NECTIN3: variants seen among roughly 807,000 people sequenced by gnomAD.
The protein encoded by NECTIN3 is nectin-3.
Under a neutral mutation model 49.4 loss-of-function variants are expected in NECTIN3, and 8 were observed. The ratio of observed to expected loss-of-function variants is 0.16; its 90% confidence interval spans 0.10 to 0.29. NECTIN3 has a LOEUF of 0.29. Ranked by LOEUF, NECTIN3 falls within the 10% of genes least tolerant of loss-of-function variation. NECTIN3 has a pLI of 1.00. For missense variants in NECTIN3, 581 were observed against 654.6 expected, an observed-to-expected ratio of 0.89 and a Z score of 1.23; for synonymous variants, 277 against 241.1, an observed-to-expected ratio of 1.15 and a Z score of -1.38.
At chr3:111,193,351 A>G (rs1171230194) in intron 1 of NECTIN3, 6 of 1,535,422 alleles carry the variant, frequency 3.9e-6, no homozygotes, top group East Asian at 4.9e-5. Context: ...AAGAGAGTCT[A>G]CATCGACCCA....
intron 1 of NECTIN3, among the ~76,000 whole-genome samples, chr3:111,088,039 A>G (rs1344428617): frequency 2.0e-5 from 3 of 151,956 alleles, no homozygotes; most frequent in Non-Finnish European, 4.4e-5. Flanking sequence ...ATATAGTTGG[A>G]TGTTTGATTC....
At chr3:111,094,000 G>C (rs116425693) in intron 1 of NECTIN3, among the ~76,000 whole-genome samples, 1,576 of 152,128 alleles carry the variant, frequency 0.01, 33 homozygotes, top group African/African-American at 0.034. Flanking sequence ...AATTGTGACA[G>C]TTACTTTATT....
intron 7 of NECTIN3, among the ~76,000 whole-genome samples, chr3:111,176,774 C>G (rs528121875): frequency 6.6e-6 from 1 of 151,868 alleles, no homozygotes; most frequent in African/African-American, 2.4e-5. Flanking sequence ...ACTTAGAAGG[C>G]TTCTAGAAAG....
At chr3:111,123,098 T>G (rs2034021723) in intron 4 of NECTIN3, among the ~76,000 whole-genome samples, 1 of 152,086 alleles carries the variant, frequency 6.6e-6, no homozygotes, top group South Asian at 2.1e-4. Context: ...TAAGAGCGTC[T>G]TCTCATAAGA....
upstream of NECTIN3, among the ~76,000 whole-genome samples, chr3:111,190,238 C>A (rs1031183277): frequency 6.6e-6 from 1 of 152,170 alleles, no homozygotes; most frequent in African/African-American, 2.4e-5. Flanking sequence ...ATCACCTGAT[C>A]ATGTGGGAAG....
chr3:111,144,309 A>G (rs908786913), intron 5 of NECTIN3, among the ~76,000 whole-genome samples: 6 of 152,022 alleles, frequency 3.9e-5, no homozygotes, highest in African/African-American at 1.2e-4. Context: ...TAGAGAAGCT[A>G]TTTTTAGTGC....
chr3:111,174,051 G>A (rs926430207), intron 7 of NECTIN3, among the ~76,000 whole-genome samples: 1 of 152,052 alleles, frequency 6.6e-6, no homozygotes, highest in African/African-American at 2.4e-5. Context: ...GTAGGCTTGG[G>A]ACTCTCAGTC....
At chr3:111,118,126 T>C (rs1292025108) in intron 2 of NECTIN3, among the ~76,000 whole-genome samples, 1 of 151,456 alleles carries the variant, frequency 6.6e-6, no homozygotes. Flanking sequence ...AGAAAAACAT[T>C]TCATCTCCAA....
chr3:111,116,835 T>C (rs934452505), intron 2 of NECTIN3, among the ~76,000 whole-genome samples: 1 of 152,066 alleles, frequency 6.6e-6, no homozygotes, highest in African/African-American at 2.4e-5. Flanking sequence ...CATTGAGAAG[T>C]CTGTGATAAT....
intron 1 of NECTIN3, among the ~76,000 whole-genome samples, chr3:111,090,823 T>C (rs895963033): frequency 0.046 from 18 of 390 alleles, no homozygotes; most frequent in Non-Finnish European, 0.072. Flanking sequence ...TTTAAATAGG[T>C]TGGTGAAAAG....
intron 1 of NECTIN3, among the ~76,000 whole-genome samples, chr3:111,093,711 C>G (rs1035843038): frequency 6.6e-6 from 1 of 152,298 alleles, no homozygotes; most frequent in African/African-American, 2.4e-5. Context: ...GCTGGGATTA[C>G]AGGCATGAGC....
At chr3:111,108,598 A>G (rs1040229341) in intron 1 of NECTIN3, among the ~76,000 whole-genome samples, 32 of 152,286 alleles carry the variant, frequency 2.1e-4, no homozygotes, top group African/African-American at 6.5e-4. Context: ...TTTAAAGGAA[A>G]CAGGCTTATT....
chr3:111,115,898 A>C (rs916571540), intron 2 of NECTIN3, among the ~76,000 whole-genome samples: 3 of 151,902 alleles, frequency 2.0e-5, no homozygotes, highest in Non-Finnish European at 2.9e-5. Context: ...AAAGTTTGTG[A>C]TTAAATTCTG....
intron 1 of NECTIN3, among the ~76,000 whole-genome samples, chr3:111,103,170 G>A (rs185611989): frequency 6.6e-6 from 1 of 152,184 alleles, no homozygotes; most frequent in Admixed American, 6.5e-5. Flanking sequence ...TCAGTTTGTT[G>A]CTAGCCACAA....
At position 111,137,185 on chromosome 3, in the gene NECTIN3, T is replaced by C; in HGVS notation, c.*2970T>C. 1 of 936,446 alleles carries C rather than the reference T, an allele frequency of 1.1e-6. No individual in the cohort carries two copies. The highest frequency in any genetic ancestry group is 1.3e-6 in the Non-Finnish European group (1 of 785,610). 58.0% of individuals were successfully genotyped at this position (936,446 alleles called of 1,614,324 possible). On this transcript the variant is annotated 3_prime_UTR_variant, in exon 6 of 6. Transcript: ENST00000485303. ...TTTGATAAATACTGCTAAAACACAG[T>C]ATATGAACAAGTAAGAAGTTTATGT...
At chr3:111,129,199 C>G (rs184500085) in intron 5 of NECTIN3, among the ~76,000 whole-genome samples, 2 of 151,992 alleles carry the variant, frequency 1.3e-5, no homozygotes, top group East Asian at 1.9e-4. Context: ...TCACCTTCAC[C>G]TTTTTCAATG....
At chr3:111,167,455 T>C (rs1187137467) in intron 7 of NECTIN3, among the ~76,000 whole-genome samples, 4 of 152,186 alleles carry the variant, frequency 2.6e-5, no homozygotes, top group African/African-American at 9.7e-5. Flanking sequence ...ATGCTAGCCA[T>C]AAATAGAAGG....
At chr3:111,072,475 G>A (rs2030847441) in intron 1 of NECTIN3, 4 of 1,535,748 alleles carry the variant, frequency 2.6e-6, no homozygotes, top group Admixed American at 2.0e-5. Context: ...TTGCTCCGGG[G>A]ACCGTTACTT....
intron 7 of NECTIN3, among the ~76,000 whole-genome samples, chr3:111,157,425 T>G (rs2035119647): frequency 6.6e-6 from 1 of 152,152 alleles, no homozygotes; most frequent in Non-Finnish European, 1.5e-5. Flanking sequence ...GAGATCCAGC[T>G]TGAGTTCATT....
Sources: allele counts gnomAD v4.1 joint callset (sites outside exome capture counted in the v4.1 genomes callset), GRCh38; gene constraint gnomAD v4.1.1; transcripts MANE v1.5; gene names NCBI Gene and HGNC (gene_info 2026-07-23, HGNC 2026-07-21).